ZNRF3: variants seen among roughly 807,000 people sequenced by gnomAD.
ZNRF3 encodes E3 ubiquitin-protein ligase ZNRF3.
In ZNRF3, 23 loss-of-function variants were observed where a neutral mutation model predicts 72.5. The observed-to-expected ratio is 0.32, with a 90% confidence interval of 0.23 to 0.45. The LOEUF is 0.45. Among genes scored for constraint, ZNRF3 ranks in the 20% least tolerant of loss-of-function variants. The pLI, the probability that ZNRF3 is intolerant of heterozygous loss-of-function variation, is 1.00. For synonymous variants in ZNRF3, 610 were observed against 545.3 expected (o/e 1.12, Z -1.65); for missense variants, 1,169 against 1,272.1 (o/e 0.92, Z 1.23).
chr22:29,015,869 A>T (rs2036421427), intron 2 of ZNRF3, among the ~76,000 whole-genome samples: 1 of 151,706 alleles, frequency 6.6e-6, no homozygotes, highest in African/African-American at 2.4e-5. Context: ...ATATAAAATT[A>T]GCTGGGCGTG....
At position 29,054,706 on chromosome 22, in the gene ZNRF3, C is replaced by A. The variant is rs2037269027; in HGVS notation, c.*1084C>A. 6.6e-6 allele frequency: 1 copy of A among 152,656 alleles called. No individual in the cohort carries two copies. Among genetic ancestry groups the A allele is most frequent in the Non-Finnish European group, 1.5e-5 (1 of 68,056 alleles). 9.5% of individuals were successfully genotyped at this position (152,656 alleles called of 1,614,324 possible). On this transcript the variant is annotated 3_prime_UTR_variant, in exon 9 of 9. Transcript: ENST00000544604. ...AGTGCTCTCCACTGACCCAGCAGCA[C>A]ACCCATGTGCAGTGCGCCTGCATCT...
rs73882445 is a variant in ZNRF3 at position 29,043,550 on chromosome 22, G to C, written c.633+120G>C. On this transcript the variant is annotated intron_variant, in intron 4 of 8. Transcript: ENST00000544604. Reference sequence around the variant, plus strand: ...AAATGCTGGCATACCCCAGGTTCCTGCAGGCTTAGATCAGCTATTGGACTC... The same window carrying C: ...AAATGCTGGCATACCCCAGGTTCCTCCAGGCTTAGATCAGCTATTGGACTC... The C allele has an allele frequency of 2.5e-3, 3,317 of 1,310,390 alleles. 81 individuals carry two copies. The African/African-American group carries it at 0.045, about 18-fold the overall frequency. 81.2% of individuals were successfully genotyped at this position (1,310,390 alleles called of 1,614,324 possible).
In ZNRF3 at chr22:28,955,510, C is replaced by T. The variant is rs187307530; in HGVS notation, c.301-31566C>T. Among the ~76,000 whole-genome samples the T allele has an allele frequency of 2.0e-5, 3 of 152,284 alleles. No homozygotes were observed. The East Asian group carries it at 5.8e-4, about 29-fold the overall frequency. ...CAGCAGTGGACTCCTGGCCTACCCT[C>T]TGGGAAACATGAATGTGGTGTATAG... is the stretch of plus-strand genomic sequence containing the variant. On this transcript the variant is annotated intron_variant, in intron 1 of 8. Coordinates refer to ENST00000544604, the MANE Select transcript of ZNRF3 (RefSeq NM_001206998.2).
At chr22:28,954,551 TAA>T (rs1195514665) in intron 1 of ZNRF3, among the ~76,000 whole-genome samples, 1 of 152,252 alleles carries the variant, frequency 6.6e-6, no homozygotes, top group Non-Finnish European at 1.5e-5. Flanking sequence ...TGTTTTTCTT[TAA>T]AAGTGACAGT....
intron 2 of ZNRF3, among the ~76,000 whole-genome samples, chr22:29,033,845 G>A (rs1203078100): frequency 1.3e-5 from 2 of 152,188 alleles, no homozygotes; most frequent in African/African-American, 4.8e-5. Flanking sequence ...CCCATGGCAA[G>A]ACCCCTTGCA....
chr22:28,899,309 CTG>C (rs1417236668), intron 1 of ZNRF3, among the ~76,000 whole-genome samples: 1 of 152,204 alleles, frequency 6.6e-6, no homozygotes, highest in African/African-American at 2.4e-5. Flanking sequence ...CATTGCATCA[CTG>C]TAAGTTTTCA....
At position 28,883,801 on chromosome 22, in the gene ZNRF3, C is replaced by T; in HGVS notation, c.35C>T (p.Thr12Met). ...CGCTCGGGCGGGCGCCCAGGGGCCA[C>T]GGGCCGCCGCCGCCGCCGCCTGCGC... is the stretch of plus-strand genomic sequence containing the variant. ...RPRSGGRPGA[T>M]GRRRRRLRRR... Residue 12 changes from threonine to methionine, a missense_variant, in exon 1 of 9, where the codon ACG becomes ATG. Transcript: ENST00000544604. This position sits in a 1 kb window ranked among gnomAD's most constrained non-coding sequence, Gnocchi z 5.5. 1 of 979,110 alleles carries T rather than the reference C, an allele frequency of 1.0e-6. No individual in the cohort carries two copies. The highest frequency in any genetic ancestry group is 1.2e-6 in the Non-Finnish European group (1 of 827,456). 60.7% of individuals were successfully genotyped at this position (979,110 alleles called of 1,614,324 possible). A position where few individuals can be genotyped will look rare whatever the true frequency, so the allele number is the denominator to read the frequency against.
rs148923606 is a variant in ZNRF3, at chr22:28,899,486, A to T, written c.300+15420A>T. Among the ~76,000 whole-genome samples, 3 of 152,262 alleles carry T rather than the reference A, an allele frequency of 2.0e-5. No individual in the cohort carries two copies. The East Asian group carries it at 5.8e-4, about 29-fold the overall frequency. On this transcript the variant is annotated intron_variant, in intron 1 of 8. Transcript: ENST00000544604. The stretch of plus-strand genomic sequence containing the variant: ...GCGGATGTGGTTAGGGACCACGGTG[A>T]CTGGGGCATTGGTTGCCATACCAAC...
chr22:29,008,984 C>T (rs969704408), intron 2 of ZNRF3, among the ~76,000 whole-genome samples: 1 of 152,158 alleles, frequency 6.6e-6, no homozygotes, highest in Non-Finnish European at 1.5e-5. Context: ...TAGAGCTATC[C>T]AAACTCTTTT....
At chr22:28,918,872 C>T (rs2034461285) in intron 1 of ZNRF3, among the ~76,000 whole-genome samples, 1 of 152,150 alleles carries the variant, frequency 6.6e-6, no homozygotes, top group South Asian at 2.1e-4. Context: ...GTGGTGCTGA[C>T]TTCTCTTAAC....
chr22:29,032,206 T>C (rs1229731530), intron 2 of ZNRF3, among the ~76,000 whole-genome samples: 1 of 152,146 alleles, frequency 6.6e-6, no homozygotes, highest in Non-Finnish European at 1.5e-5. Flanking sequence ...GCTGTAAAAA[T>C]TCACATACAG....
chr22:29,009,206 C>G (rs982240546), intron 2 of ZNRF3, among the ~76,000 whole-genome samples: 6 of 152,126 alleles, frequency 3.9e-5, no homozygotes, highest in African/African-American at 1.4e-4. Context: ...AGATGAAACT[C>G]AACTTTTAAG....
intron 1 of ZNRF3, among the ~76,000 whole-genome samples, chr22:28,978,490 A>C (rs547291393): frequency 1.3e-5 from 2 of 152,150 alleles, no homozygotes; most frequent in East Asian, 1.9e-4. Context: ...TCCTCAGTGC[A>C]GGGGGCCTGT....
chr22:28,920,217 C>T (rs1023250937), intron 1 of ZNRF3, among the ~76,000 whole-genome samples: 6 of 151,826 alleles, frequency 4.0e-5, no homozygotes, highest in African/African-American at 1.5e-4. Context: ...CCACCCACCT[C>T]CCCCTCCCAA....
intron 1 of ZNRF3, among the ~76,000 whole-genome samples, chr22:28,958,048 C>T (rs999794444): frequency 3.9e-5 from 6 of 152,134 alleles, no homozygotes; most frequent in African/African-American, 1.2e-4. Context: ...ATTAGCCGGG[C>T]GTTGTGGCTT....
intron 1 of ZNRF3, among the ~76,000 whole-genome samples, chr22:28,899,398 A>T (rs1226263183): frequency 1.3e-5 from 2 of 152,148 alleles, no homozygotes; most frequent in Non-Finnish European, 2.9e-5. Context: ...CTTGCTGTGT[A>T]CTGTGGCCAG....
At chr22:28,899,445 A>G (rs2034063831) in intron 1 of ZNRF3, among the ~76,000 whole-genome samples, 1 of 152,192 alleles carries the variant, frequency 6.6e-6, no homozygotes, top group Admixed American at 6.5e-5. Context: ...CACACGTCTC[A>G]GCATGCCAAG....
chr22:28,905,128 G>A (rs2034181896), intron 1 of ZNRF3, among the ~76,000 whole-genome samples: 1 of 151,844 alleles, frequency 6.6e-6, no homozygotes, highest in Admixed American at 6.6e-5. Flanking sequence ...ATAGAGATGA[G>A]GTCTTGCTTT....
chr22:28,899,193 T>C (rs2034058938), intron 1 of ZNRF3, among the ~76,000 whole-genome samples: 1 of 152,192 alleles, frequency 6.6e-6, no homozygotes, highest in African/African-American at 2.4e-5. Context: ...AGGACACATA[T>C]AAACACACTT....
Sources: gnomAD v4.1 joint callset for allele counts (sites outside exome capture counted in the v4.1 genomes callset) on GRCh38, gnomAD v4.1.1 for gene constraint, Gnocchi (gnomAD v3.1) non-coding constraint, MANE v1.5 for transcripts, NCBI Gene and HGNC (gene_info 2026-07-23, HGNC 2026-07-21) for gene names.